PUDP: variants seen among roughly 807,000 people sequenced by gnomAD.
The protein encoded by PUDP is pseudouridine 5'-phosphatase, also known as pseudouridine-5'-phosphatase.
PUDP carries 8 observed loss-of-function variants against 9.4 expected under a neutral mutation model. The ratio of observed to expected loss-of-function variants is 0.85; its 90% CI spans 0.50 to 1.53. PUDP has a LOEUF of 1.53. PUDP is among the 40% of genes most tolerant of loss of function. The probability of loss-of-function intolerance (pLI) is 0.00; values close to 1 mark genes in which losing one functional copy is unlikely to be tolerated. For synonymous variants in PUDP, 99 were observed against 80.7 expected (o/e 1.23, Z -1.22); for missense variants, 188 against 189.7 (o/e 0.99, Z 0.05).
At chrX:6,914,160 C>T (rs1469227050) in intron 3 of PUDP, among the ~76,000 whole-genome samples, 18 of 67,488 alleles carry the variant, frequency 2.7e-4, no homozygotes, top group African/African-American at 1.2e-3. Context: ...GAGAGAGACC[C>T]CGTCTCAAAA....
chrX:6,732,843 T>G (rs193246478), intron 3 of PUDP, among the ~76,000 whole-genome samples: 1 of 112,237 alleles, frequency 8.9e-6, no homozygotes, highest in East Asian at 2.8e-4. Context: ...GTCTAACCAC[T>G]GAGTACCATT....
chrX:6,814,626 G>C (rs1367771726), intron 3 of PUDP, among the ~76,000 whole-genome samples: 26 of 111,777 alleles, frequency 2.3e-4, no homozygotes, highest in Admixed American at 2.2e-3. Flanking sequence ...AAATGAGAAA[G>C]CTGGGATAAG....
chrX:7,109,660 G>A (rs1411678410), intron 1 of PUDP, among the ~76,000 whole-genome samples: 3 of 112,376 alleles, frequency 2.7e-5, no homozygotes, highest in African/African-American at 6.5e-5. Context: ...TCCTAAATCC[G>A]TGGAATAAGA....
chrX:6,981,040 A>T (rs756386047), intron 1 of PUDP, among the ~76,000 whole-genome samples: 1 of 111,871 alleles, frequency 8.9e-6, no homozygotes, highest in East Asian at 2.8e-4. Context: ...TCACCCACAC[A>T]ACCCAGCATG....
intron 1 of PUDP, among the ~76,000 whole-genome samples, chrX:6,707,156 T>A (rs887846580): frequency 9.0e-6 from 1 of 111,379 alleles, no homozygotes; most frequent in Non-Finnish European, 1.9e-5. Flanking sequence ...AGAGGAAATT[T>A]TTTCTCCCAT....
chrX:7,117,453 C>T (rs1015597536), intron 1 of PUDP, among the ~76,000 whole-genome samples: 5 of 112,646 alleles, frequency 4.4e-5, no homozygotes, highest in African/African-American at 1.6e-4. Flanking sequence ...GAAGTTAGAA[C>T]TTCAGGGTAA....
chrX:6,748,654 T>C lies in PUDP; in HGVS notation c.*248-42188A>G, dbSNP rs906606138. Among the ~76,000 whole-genome samples, 3 of 112,061 alleles carry C rather than the reference T, an allele frequency of 2.7e-5. No individual in the cohort carries two copies. In the South Asian group the frequency reaches 1.1e-3, roughly 42 times the overall value. ...ACACCACTTTTTCAATCTTGACACA[T>C]GCAGAGACCATGCAAGAATATGAAC... On this transcript the variant is annotated intron_variant and NMD_transcript_variant, in intron 3 of 3. Transcript: ENST00000655425.
chrX:6,712,574 C>T (rs1014493457), intron 1 of PUDP, among the ~76,000 whole-genome samples: 1 of 111,879 alleles, frequency 8.9e-6, no homozygotes, highest in African/African-American at 3.2e-5. Context: ...TAAGATGAAG[C>T]GGTTCAATGA....
chrX:7,077,168 T>C, intron 3 of PUDP, 52 bp downstream of exon 3: 1 of 1,160,496 alleles, frequency 8.6e-7, no homozygotes, highest in East Asian at 3.2e-5. Flanking sequence ...ATGGATATTA[T>C]TTGGTGGAAC....
intron 1 of PUDP, among the ~76,000 whole-genome samples, chrX:6,992,422 G>C (rs1006317991): frequency 4.8e-5 from 5 of 103,199 alleles, no homozygotes; most frequent in Non-Finnish European, 8.0e-5. Flanking sequence ...ACAGGCGCCC[G>C]CCACCGTGCC....
intron 1 of PUDP, among the ~76,000 whole-genome samples, chrX:7,116,298 G>A (rs1057211353): frequency 4.5e-5 from 5 of 111,290 alleles, no homozygotes; most frequent in African/African-American, 1.3e-4. Flanking sequence ...TCTGGCTGGC[G>A]GTGGAAACTC....
At chrX:6,858,317 TCTTTC>T (rs1433312850) in intron 3 of PUDP, among the ~76,000 whole-genome samples, 1 of 98,756 alleles carries the variant, frequency 1.0e-5, no homozygotes, top group Non-Finnish European at 2.0e-5. Flanking sequence ...CTTTTTTTTT[TCTTTC>T]TTTTTTTTTT....
At chrX:6,802,820 A>C (rs1223839360) in intron 3 of PUDP, among the ~76,000 whole-genome samples, 1 of 108,086 alleles carries the variant, frequency 9.3e-6, no homozygotes, top group African/African-American at 3.4e-5. Flanking sequence ...GGGAGGCGGA[A>C]GTTGCAGTGA....
chrX:6,898,006 G>C (rs1175366641), intron 3 of PUDP, among the ~76,000 whole-genome samples: 1 of 112,345 alleles, frequency 8.9e-6, no homozygotes, highest in Non-Finnish European at 1.9e-5. Context: ...AGTACTTCAC[G>C]CATAGTAGGT....
chrX:7,005,875 A>T (rs977261119), intron 1 of PUDP, among the ~76,000 whole-genome samples: 2 of 111,170 alleles, frequency 1.8e-5, no homozygotes, highest in Non-Finnish European at 3.8e-5. Flanking sequence ...CCACTATTTC[A>T]GTGTCTCTAT....
In PUDP at chrX:7,128,878, G is replaced by T. The variant is rs1047485096; in HGVS notation, c.61+19175C>A. Reference sequence around the variant, plus strand: ...TCAGATGAAACAGCGGGGGCCCAAGGTGCTCAACCCATAAATAAGCAAGAA... The same window carrying T: ...TCAGATGAAACAGCGGGGGCCCAAGTTGCTCAACCCATAAATAAGCAAGAA... On this transcript the variant is annotated intron_variant, in intron 1 of 3. Transcript: ENST00000381077. Among the ~76,000 whole-genome samples the T allele has an allele frequency of 2.7e-5, 3 of 111,770 alleles. No homozygotes were observed. The Admixed American group carries it at 2.9e-4, about 11-fold the overall frequency.
chrX:6,708,763 A>G (rs886169279), intron 1 of PUDP, among the ~76,000 whole-genome samples: 1 of 112,028 alleles, frequency 8.9e-6, no homozygotes, highest in Non-Finnish European at 1.9e-5. Context: ...TCAAGGAACA[A>G]GCTCTGGCTG....
intron 3 of PUDP, among the ~76,000 whole-genome samples, chrX:6,729,144 C>G (rs189556167): frequency 9.0e-6 from 1 of 111,659 alleles, no homozygotes; most frequent in Non-Finnish European, 1.9e-5. Flanking sequence ...AAAATGACTA[C>G]GCTAAAGGGA....
chrX:6,951,048 G>A (rs935990142), intron 3 of PUDP, among the ~76,000 whole-genome samples: 35 of 110,775 alleles, frequency 3.2e-4, no homozygotes, highest in African/African-American at 1.1e-3. Flanking sequence ...CATCATCAGT[G>A]CTCCTGGATC....
Sources: gnomAD v4.1 joint callset for allele counts (sites outside exome capture counted in the v4.1 genomes callset) on GRCh38, gnomAD v4.1.1 for gene constraint, MANE v1.5 for transcripts, NCBI Gene and HGNC (gene_info 2026-07-23, HGNC 2026-07-21) for gene names.